The following FNBP4 variants were observed in gnomAD, a reference collection of about 807,000 sequenced individuals.
FNBP4 encodes the protein formin binding protein 4.
A neutral mutation model predicts 119.3 loss-of-function variants in FNBP4; 34 were observed. That is an observed-to-expected ratio of 0.28 (90% confidence interval 0.22 to 0.38). The LOEUF is 0.38. FNBP4 is among the 10% of genes least tolerant of loss of function. The pLI, the probability that FNBP4 is intolerant of heterozygous loss-of-function variation, is 1.00. For synonymous variants in FNBP4, 462 were observed against 430.6 expected, an observed-to-expected ratio of 1.07 and a Z score of -0.90; for missense variants, 1,112 against 1,228.9, an observed-to-expected ratio of 0.90 and a Z score of 1.42.
In FNBP4 at chr11:47,734,000, CAAAAAAA is replaced by C. The variant is rs79199646; in HGVS notation, c.1686+18_1686+24del. The C allele has an allele frequency of 5.6e-6, 5 of 891,166 alleles. No individual in the cohort carries two copies. Among genetic ancestry groups the C allele is most frequent in the Admixed American group, 6.6e-5 (2 of 30,188 alleles). 55.2% of individuals were successfully genotyped at this position (891,166 alleles called of 1,614,324 possible). On this transcript the variant is annotated intron_variant, in intron 10 of 16. Coordinates refer to ENST00000263773, the MANE Select transcript of FNBP4 (RefSeq NM_015308.5). ...CATTCAAACACTTAACTGTTTATGC[CAAAAAAA>C]AAAAAAAAAAGACTTACCTCAGTCT...
At chr11:47,764,292 G>T (rs933352034) in intron 2 of FNBP4, among the ~76,000 whole-genome samples, 6 of 152,180 alleles carry the variant, frequency 3.9e-5, no homozygotes, top group African/African-American at 1.4e-4. Context: ...ATGTTGGCCA[G>T]GCTGGTCTCG....
chr11:47,743,551 C>T (rs2097585266), intron 8 of FNBP4, among the ~76,000 whole-genome samples: 1 of 152,094 alleles, frequency 6.6e-6, no homozygotes, highest in Non-Finnish European at 1.5e-5. Flanking sequence ...ATCCAGGGAT[C>T]TCTGAAAATA....
intron 2 of FNBP4, among the ~76,000 whole-genome samples, chr11:47,755,446 T>C (rs1043487235): frequency 1.2e-4 from 18 of 151,138 alleles, no homozygotes; most frequent in Non-Finnish European, 1.5e-5. Context: ...TGAAAATCCG[T>C]CTCAAAATAA....
chr11:47,721,855 C>T (rs1407068949), intron 15 of FNBP4, among the ~76,000 whole-genome samples: 1 of 147,734 alleles, frequency 6.8e-6, no homozygotes, highest in Admixed American at 6.8e-5. Flanking sequence ...CTCGTCTCCT[C>T]AGAATTACAG....
rs947420222 is a variant in FNBP4 at position 47,743,495 on chromosome 11, G to GA, written c.1456+457dup. On this transcript the variant is annotated intron_variant, in intron 8 of 16. Transcript: ENST00000263773. ...GAGACCTCCGTCTCAAAAAGGAAAA[G>GA]AAAAAAAAATAATTAGGGCCAAATG... Among the ~76,000 whole-genome samples the GA allele has an allele frequency of 5.5e-4, 83 of 150,462 alleles. 1 individual carries two copies. The highest frequency in any genetic ancestry group is 3.4e-3 in the Middle Eastern group (1 of 290).
chr11:47,753,717 A>AC (rs2097609388), intron 3 of FNBP4, among the ~76,000 whole-genome samples: 1 of 151,988 alleles, frequency 6.6e-6, no homozygotes, highest in African/African-American at 2.4e-5. Flanking sequence ...AATTACTTGA[A>AC]CCTGGGTGGC....
Position 47,751,175 on chromosome 11 carries a change from T to C in FNBP4, c.753A>G (p.Thr251=), listed in dbSNP as rs760038930. The change falls in exon 5 of 17, where the codon ACA becomes ACG. Residue 251 remains threonine, a synonymous_variant. Coordinates refer to ENST00000263773, the MANE Select transcript of FNBP4 (RefSeq NM_015308.5). The part of the protein sequence containing the change: ...VTWELPQYLA[T]QVQGLQHYQP... ...GGTAATGCTGTAATCCCTGTACCTGTGTGGCAAGATATTGGGGTAACTCCC... is the reference window on the plus strand; with the variant it reads ...GGTAATGCTGTAATCCCTGTACCTGCGTGGCAAGATATTGGGGTAACTCCC... 2.5e-6 allele frequency: 4 copies of C among 1,614,196 alleles called. No homozygotes were observed. Among genetic ancestry groups the C allele is most frequent in the South Asian group, 2.2e-5 (2 of 91,090 alleles).
intron 8 of FNBP4, among the ~76,000 whole-genome samples, chr11:47,742,477 C>CAAAAAAAAAAAA (rs568784009): frequency 0.017 from 393 of 23,770 alleles, 108 homozygotes; most frequent in South Asian, 0.039. Context: ...GACTCCGTCT[C>CAAAAAAAAAAAA]AAAAAAAAAA....
At chr11:47,762,299 T>C (rs2097637157) in intron 2 of FNBP4, among the ~76,000 whole-genome samples, 1 of 151,906 alleles carries the variant, frequency 6.6e-6, no homozygotes, top group African/African-American at 2.4e-5. Flanking sequence ...ACCCAGCTAA[T>C]TGTATTTTTA....
chr11:47,758,173 T>C (rs1390443675), intron 2 of FNBP4, among the ~76,000 whole-genome samples: 1 of 152,148 alleles, frequency 6.6e-6, no homozygotes, highest in East Asian at 1.9e-4. Flanking sequence ...CTTGACCTCC[T>C]GAGCTCAACC....
At chr11:47,766,972 A>ACCTCGCCCGCCTC in intron 1 of FNBP4, 97 bp downstream of exon 1, 2 of 1,409,658 alleles carry the variant, frequency 1.4e-6, no homozygotes, top group South Asian at 1.5e-5. Context: ...TCGGAAGCCG[A>ACCTCGCCCGCCTC]CCTCGCCCGC....
chr11:47,731,662 C>T (rs1037895142), intron 11 of FNBP4, 101 bp from the exon 12 acceptor site: 11 of 1,493,614 alleles, frequency 7.4e-6, no homozygotes, highest in African/African-American at 7.1e-5. Context: ...TTCACAGGGA[C>T]GAACCTCTTA....
intron 15 of FNBP4, among the ~76,000 whole-genome samples, chr11:47,721,153 C>T (rs1388904801): frequency 2.6e-5 from 4 of 151,258 alleles, no homozygotes; most frequent in African/African-American, 9.7e-5. Context: ...AACCCCGTCT[C>T]TACTAAAAAT....
intron 2 of FNBP4, among the ~76,000 whole-genome samples, chr11:47,758,475 T>C (rs1478220821): frequency 6.6e-6 from 1 of 152,166 alleles, no homozygotes; most frequent in Non-Finnish European, 1.5e-5. Context: ...GTGCTGACAT[T>C]ACAGGTGTGA....
At chr11:47,749,451 C>A (rs1434206215) in intron 6 of FNBP4, among the ~76,000 whole-genome samples, 1 of 151,912 alleles carries the variant, frequency 6.6e-6, no homozygotes. Flanking sequence ...CCAAGCTACT[C>A]GGGAAGTTGA....
intron 8 of FNBP4, among the ~76,000 whole-genome samples, chr11:47,738,457 C>G (rs2135148654): frequency 6.6e-6 from 1 of 152,076 alleles, no homozygotes; most frequent in South Asian, 2.1e-4. Flanking sequence ...CCCAGCTACT[C>G]AGGGGGCCGA....
intron 6 of FNBP4, among the ~76,000 whole-genome samples, chr11:47,747,864 C>T (rs1212377505): frequency 6.6e-6 from 1 of 152,060 alleles, no homozygotes; most frequent in Non-Finnish European, 1.5e-5. Flanking sequence ...AGAAGAATCG[C>T]TTGAACCTGG....
chr11:47,723,487 G>C (rs963054744), intron 14 of FNBP4, among the ~76,000 whole-genome samples, 171 bp from the exon 15 acceptor site: 1 of 152,144 alleles, frequency 6.6e-6, no homozygotes, highest in African/African-American at 2.4e-5. Flanking sequence ...TGAATACCTT[G>C]GCATTAAACT....
chr11:47,750,532 A>G, intron 6 of FNBP4, among the ~76,000 whole-genome samples: 1 of 151,130 alleles, frequency 6.6e-6, no homozygotes, highest in East Asian at 1.9e-4. Context: ...CACTAAAAAT[A>G]CAAAAAATAA....
Sources: gnomAD v4.1 joint callset for allele counts (sites outside exome capture counted in the v4.1 genomes callset) on GRCh38, gnomAD v4.1.1 for gene constraint, MANE v1.5 for transcripts, NCBI Gene and HGNC (gene_info 2026-07-23, HGNC 2026-07-21) for gene names.